BRD4: variants seen among roughly 807,000 people sequenced by gnomAD.
BRD4 encodes bromodomain-containing protein 4.
In BRD4, 16 loss-of-function variants were observed where a neutral mutation model predicts 142.1. That is an observed-to-expected ratio of 0.11 (90% CI 0.08 to 0.17). The LOEUF (loss-of-function observed/expected upper bound fraction) is 0.17. BRD4 is among the 10% of genes least tolerant of loss of function. The probability of loss-of-function intolerance (pLI) is 1.00; values close to 1 mark genes in which losing one functional copy is unlikely to be tolerated. For missense variants in BRD4, 1,424 were observed against 1,810.9 expected (o/e 0.79, Z 3.88); for synonymous variants, 833 against 707.5 (o/e 1.18, Z -2.82).
intron 1 of BRD4, among the ~76,000 whole-genome samples, chr19:15,288,837 C>T (rs772337093): frequency 2.0e-5 from 3 of 152,168 alleles, no homozygotes; most frequent in Non-Finnish European, 4.4e-5. Context: ...AGAGAGAACA[C>T]GCAACAGTAC....
chr19:15,297,309 C>T (rs2047831513), intron 1 of BRD4, among the ~76,000 whole-genome samples: 1 of 152,216 alleles, frequency 6.6e-6, no homozygotes, highest in African/African-American at 2.4e-5. Context: ...GCCTTCCAAG[C>T]TGCTCCTTCT....
In BRD4 at chr19:15,238,818, G is replaced by A; in HGVS notation, c.3945C>T (p.Ser1315=). ...AAAATPQAQS[S]QPQSMLDQQR... The stretch of plus-strand genomic sequence containing the variant: ...GCTGGTCCAGCATGGACTGGGGCTG[G>A]GAGCTCTGGGCCTGTGGGGTGGCGG... The change falls in exon 19 of 20, where the codon TCC becomes TCT. Residue 1315 remains serine (S), a synonymous_variant. Transcript: ENST00000679869. The surrounding 1 kb of genome is among the most constrained non-coding windows in gnomAD (Gnocchi z 7.2). 1 of 1,603,522 alleles carries A rather than the reference G, an allele frequency of 6.2e-7. No homozygotes were observed.
intron 6 of BRD4, 63 bp downstream of exon 6, chr19:15,264,341 A>G (rs1466984950): frequency 6.5e-7 from 1 of 1,530,218 alleles, no homozygotes; most frequent in Non-Finnish European, 8.8e-7. Flanking sequence ...AGGTCTAGGA[A>G]GGTTCTGATG....
chr19:15,279,075 A>T lies in BRD4; in HGVS notation c.-34-5942T>A, dbSNP rs370226148. ...AGGCTGGTCTCAAACTCCCAACATC[A>T]GATGATCCGCCCACTTCGGCCGCCC... On this transcript the variant is annotated intron_variant, in intron 1 of 19. Coordinates refer to ENST00000679869, the MANE Select transcript of BRD4 (RefSeq NM_001379291.1). Among the ~76,000 whole-genome samples the T allele has an allele frequency of 8.5e-5, 13 of 152,298 alleles. No homozygotes were observed. In the East Asian group the frequency reaches 2.3e-3, roughly 27 times the overall value.
chr19:15,313,288 G>C (rs2047988593), intron 1 of BRD4, among the ~76,000 whole-genome samples: 1 of 150,934 alleles, frequency 6.6e-6, no homozygotes, highest in Admixed American at 6.6e-5. Context: ...CAGGAGAATG[G>C]TGTGAATCCG....
intron 8 of BRD4, 135 bp from the exon 9 acceptor site, chr19:15,256,398 G>A: frequency 9.5e-7 from 1 of 1,055,872 alleles, no homozygotes; most frequent in Non-Finnish European, 1.4e-6. Flanking sequence ...GGGGAGGCAG[G>A]GGAAGGGAAG....
In BRD4 at chr19:15,307,902, G is replaced by A. The variant is rs534951779; in HGVS notation, c.-35+24388C>T. Among the ~76,000 whole-genome samples the A allele has an allele frequency of 2.2e-4, 33 of 150,774 alleles. No individual in the cohort carries two copies. The South Asian group carries it at 6.8e-3, about 31-fold the overall frequency. Reference sequence around the variant, plus strand: ...GGCCCTGGCGGGCGGATCGCTTGAGGCCGGGAGTTCGAGACCAGCCTGGCC... The same window carrying A: ...GGCCCTGGCGGGCGGATCGCTTGAGACCGGGAGTTCGAGACCAGCCTGGCC... On this transcript the variant is annotated intron_variant, in intron 1 of 19. Coordinates refer to ENST00000679869, the MANE Select transcript of BRD4 (RefSeq NM_001379291.1).
intron 1 of BRD4, among the ~76,000 whole-genome samples, chr19:15,311,908 G>C (rs936719484): frequency 6.6e-6 from 1 of 152,196 alleles, no homozygotes; most frequent in Non-Finnish European, 1.5e-5. Flanking sequence ...TAGAAGACTG[G>C]CTGCCACAGG....
intron 1 of BRD4, among the ~76,000 whole-genome samples, chr19:15,280,013 A>G (rs966197611): frequency 3.3e-5 from 5 of 152,076 alleles, no homozygotes; most frequent in Middle Eastern, 3.2e-3. Context: ...CATCACACAG[A>G]CCTGCACCAG....
chr19:15,305,534 C>T (rs960667027), intron 1 of BRD4, among the ~76,000 whole-genome samples: 7 of 152,180 alleles, frequency 4.6e-5, no homozygotes, highest in South Asian at 2.1e-4. Context: ...GTCTCAACAG[C>T]GGGCTTAAAA....
At chr19:15,319,923 G>A (rs1439187033) in intron 1 of BRD4, among the ~76,000 whole-genome samples, 9 of 152,268 alleles carry the variant, frequency 5.9e-5, no homozygotes, top group African/African-American at 2.2e-4. Flanking sequence ...GCAACACAGT[G>A]AGACTCTACC....
rs1568388176 is a variant in BRD4 at position 15,264,613 on chromosome 19, CGT to C, written c.1001_1002del (p.Asp334GlyfsTer58). ...GCTGGGTGCTGCTGAGAGTCGGGCA[CGT>C]CCTTCTTTGGAGGTTTCACAGGCCG... is the stretch of plus-strand genomic sequence containing the variant. ...SSRPVKPPKKDVPDSQQHPAP... is the reference protein window; with the variant it reads ...SSRPVKPPKKXVPDSQQHPAP... On this transcript the variant is annotated frameshift_variant, in exon 6 of 20. Transcript: ENST00000679869. LOFTEE classifies it high-confidence loss of function. 6.2e-7 allele frequency: 1 copy of C among 1,614,000 alleles called. No individual in the cohort carries two copies. The highest frequency in any genetic ancestry group is 1.3e-5 in the African/African-American group (1 of 74,934).
At chr19:15,282,258 A>G (rs1372844337) in intron 1 of BRD4, among the ~76,000 whole-genome samples, 1 of 152,250 alleles carries the variant, frequency 6.6e-6, no homozygotes, top group Non-Finnish European at 1.5e-5. Context: ...TGCAGGCCAT[A>G]GTTTGCAGCC....
Position 15,237,966 on chromosome 19 carries a change from C to T in BRD4, c.*411G>A, listed in dbSNP as rs550569511. 7 of 242,768 alleles carry T rather than the reference C, an allele frequency of 2.9e-5. No homozygotes were observed. Among genetic ancestry groups the T allele is most frequent in the African/African-American group, 1.1e-4 (5 of 45,570 alleles). The allele number at this position is 242,768 out of a possible 1,614,324, so 15.0% of individuals were successfully genotyped here. On this transcript the variant is annotated 3_prime_UTR_variant, in exon 20 of 20. Coordinates refer to ENST00000679869, the MANE Select transcript of BRD4 (RefSeq NM_001379291.1). ...TGGCTGGGGTGTGGGGAAAGACTCCCGGCGGGCAGGACATCACGAACGTCA... is the reference window on the plus strand; with the variant it reads ...TGGCTGGGGTGTGGGGAAAGACTCCTGGCGGGCAGGACATCACGAACGTCA...
chr19:15,322,622 G>T (rs941082654), intron 1 of BRD4, among the ~76,000 whole-genome samples: 2 of 150,096 alleles, frequency 1.3e-5, no homozygotes, highest in Non-Finnish European at 3.0e-5. Flanking sequence ...GGAGGCCGAG[G>T]CAGGCAGATC....
At chr19:15,319,879 T>C (rs552462676) in intron 1 of BRD4, among the ~76,000 whole-genome samples, 2 of 152,174 alleles carry the variant, frequency 1.3e-5, no homozygotes, top group South Asian at 4.2e-4. Context: ...GAGACTACAG[T>C]TAGCTGTGAT....
rs544911024 is a variant in BRD4, at chr19:15,288,902, C to A, written c.-34-15769G>T. ...GAGCAGGCACCGACTCCTCAGGCTT[C>A]CACAGCCACCAGGTCCCCACTGTGT... is the stretch of plus-strand genomic sequence containing the variant. On this transcript the variant is annotated intron_variant, in intron 1 of 19. Coordinates refer to ENST00000679869, the MANE Select transcript of BRD4 (RefSeq NM_001379291.1). Among the ~76,000 whole-genome samples the A allele has an allele frequency of 5.3e-5, 8 of 152,318 alleles. 1 individual carries two copies. In the East Asian group the frequency reaches 1.5e-3, roughly 29 times the overall value.
At chr19:15,316,599 A>C (rs1344511410) in intron 1 of BRD4, among the ~76,000 whole-genome samples, 4 of 152,330 alleles carry the variant, frequency 2.6e-5, no homozygotes, top group Non-Finnish European at 5.9e-5. Flanking sequence ...CTCAAAAAAA[A>C]AGAAAAAGAA....
intron 1 of BRD4, among the ~76,000 whole-genome samples, chr19:15,325,738 C>T (rs571297072): frequency 6.6e-6 from 1 of 152,156 alleles, no homozygotes; most frequent in Admixed American, 6.5e-5. Context: ...GTGGCTCACA[C>T]CTATAATCCC....
Sources: gnomAD v4.1 joint callset for allele counts (sites outside exome capture counted in the v4.1 genomes callset) on GRCh38, gnomAD v4.1.1 for gene constraint, Gnocchi (gnomAD v3.1) non-coding constraint, MANE v1.5 for transcripts, NCBI Gene and HGNC (gene_info 2026-07-23, HGNC 2026-07-21) for gene names.